PPP1R9A: variants seen among roughly 807,000 people sequenced by gnomAD.
PPP1R9A encodes the protein neurabin-1.
Under a neutral mutation model 141.9 loss-of-function variants are expected in PPP1R9A, and 59 were observed. That is an observed-to-expected ratio of 0.42 (90% CI 0.34 to 0.52). The LOEUF (loss-of-function observed/expected upper bound fraction) is 0.52. Among genes scored for constraint, PPP1R9A ranks in the 20% least tolerant of loss-of-function variants. The probability of loss-of-function intolerance (pLI) is 0.10; values close to 1 mark genes in which losing one functional copy is unlikely to be tolerated. For missense variants in PPP1R9A, 1,444 were observed against 1,611.9 expected, an observed-to-expected ratio of 0.90 and a Z score of 1.78; for synonymous variants, 500 against 569.7, an observed-to-expected ratio of 0.88 and a Z score of 1.74.
At chr7:95,001,342 GA>G (rs1802893501) in intron 2 of PPP1R9A, among the ~76,000 whole-genome samples, 1 of 152,158 alleles carries the variant, frequency 6.6e-6, no homozygotes, top group African/African-American at 2.4e-5. Flanking sequence ...GTTGTTGACA[GA>G]AAAGTTGAAG....
chr7:95,135,854 CTTTTTTTTTT>C (rs58872136), intron 4 of PPP1R9A, among the ~76,000 whole-genome samples: 64 of 73,082 alleles, frequency 8.8e-4, no homozygotes, highest in African/African-American at 1.2e-3. Flanking sequence ...TTCAGCTTTA[CTTTTTTTTTT>C]TTTTTTTTTT....
chr7:95,034,468 AG>A (rs1808161666), intron 2 of PPP1R9A, among the ~76,000 whole-genome samples: 1 of 152,112 alleles, frequency 6.6e-6, no homozygotes. Context: ...TCCCAGGTTC[AG>A]GTGATTCTCA....
At chr7:95,008,233 T>G (rs992725601) in intron 2 of PPP1R9A, among the ~76,000 whole-genome samples, 4 of 152,162 alleles carry the variant, frequency 2.6e-5, no homozygotes, top group Non-Finnish European at 5.9e-5. Flanking sequence ...GGTTGTAGTT[T>G]GATGGTACTC....
chr7:95,065,592 G>A (rs1812830298), intron 2 of PPP1R9A, among the ~76,000 whole-genome samples: 1 of 152,106 alleles, frequency 6.6e-6, no homozygotes, highest in South Asian at 2.1e-4. Flanking sequence ...TGTCTGTTGT[G>A]ACTGGAGTCA....
At chr7:95,170,728 G>A (rs1831983254) in intron 5 of PPP1R9A, among the ~76,000 whole-genome samples, 1 of 151,494 alleles carries the variant, frequency 6.6e-6, no homozygotes. Context: ...GTCAGGGGAA[G>A]TCTTTAATAA....
intron 2 of PPP1R9A, among the ~76,000 whole-genome samples, chr7:94,947,518 A>G (rs1306576387): frequency 6.6e-6 from 1 of 152,120 alleles, no homozygotes; most frequent in South Asian, 2.1e-4. Flanking sequence ...AGATTCTTCA[A>G]ACACAGAAAG....
intron 2 of PPP1R9A, among the ~76,000 whole-genome samples, chr7:94,968,210 T>C (rs1007544598): frequency 6.6e-6 from 1 of 152,004 alleles, no homozygotes; most frequent in Non-Finnish European, 1.5e-5. Flanking sequence ...TCTCGCTCTG[T>C]CGCCCAGGCT....
At chr7:95,050,357 T>G (rs1181416078) in intron 2 of PPP1R9A, among the ~76,000 whole-genome samples, 1 of 152,218 alleles carries the variant, frequency 6.6e-6, no homozygotes, top group Admixed American at 6.5e-5. Flanking sequence ...TAAATTACTT[T>G]AGATAATACT....
chr7:94,934,494 C>T (rs1172596815), intron 2 of PPP1R9A, among the ~76,000 whole-genome samples: 1 of 151,500 alleles, frequency 6.6e-6, no homozygotes, highest in African/African-American at 2.4e-5. Context: ...GTTTATAGAA[C>T]ATTTTTTTTT....
rs567471890 is a variant in PPP1R9A at position 95,190,588 on chromosome 7, C to A, written c.1755-7761C>A. 8.5e-5 allele frequency among the ~76,000 whole-genome samples: 13 copies of A among 152,104 alleles called. 1 individual carries two copies. Among genetic ancestry groups the A allele is most frequent in the Admixed American group, 5.2e-4 (8 of 15,244 alleles). On this transcript the variant is annotated intron_variant, in intron 5 of 19. Coordinates refer to ENST00000433360, the MANE Select transcript of PPP1R9A (RefSeq NM_001166160.2). The stretch of plus-strand genomic sequence containing the variant: ...TGCAGGCAGTGAAATTAGCTGTTGT[C>A]TTCTCCCTCCTTGGAACAGGATTGT...
chr7:95,259,914 AT>A (rs1800171997), intron 12 of PPP1R9A, among the ~76,000 whole-genome samples: 1 of 151,962 alleles, frequency 6.6e-6, no homozygotes, highest in Admixed American at 6.6e-5. Flanking sequence ...ATATATATAT[AT>A]TTTTTGCATA....
rs775555210 is a variant in PPP1R9A, at chr7:95,273,883, A to G, written c.3125-16A>G. On this transcript the variant is annotated splice_polypyrimidine_tract_variant and intron_variant, in intron 14 of 19. Transcript: ENST00000433360. ...ATAATAATAATTGATCTTTTTCACA[A>G]ATGTGTATATCCTAGATGATGCCAA... 9.5e-6 allele frequency: 14 copies of G among 1,479,128 alleles called. No homozygotes were observed. The East Asian group carries it at 1.6e-4, about 17-fold the overall frequency. The allele number at this position is 1,479,128 out of a possible 1,614,324, so 91.6% of individuals were successfully genotyped here. A position where few individuals can be genotyped will look rare whatever the true frequency, so the allele number is the denominator to read the frequency against.
At chr7:95,111,951 C>G (rs1254308536) in intron 3 of PPP1R9A, among the ~76,000 whole-genome samples, 1 of 151,512 alleles carries the variant, frequency 6.6e-6, no homozygotes, top group Non-Finnish European at 1.5e-5. Flanking sequence ...CCCGTGGGAT[C>G]AGAGATTACC....
chr7:95,290,578 T>G lies in PPP1R9A; in HGVS notation c.*275T>G, dbSNP rs1344554392. The G allele has an allele frequency of 2.6e-6, 1 of 378,498 alleles. No individual in the cohort carries two copies. 23.4% of individuals were successfully genotyped at this position (378,498 alleles called of 1,614,324 possible). ...TTTGCTCTTCTCTAACTTACCAACA[T>G]CTTGTGTTGTGTTGGGTGTGTTTTG... On this transcript the variant is annotated 3_prime_UTR_variant, in exon 20 of 20. Transcript: ENST00000433360.
intron 1 of PPP1R9A, among the ~76,000 whole-genome samples, chr7:94,908,927 G>A (rs1208946892): frequency 6.6e-6 from 1 of 152,182 alleles, no homozygotes; most frequent in Non-Finnish European, 1.5e-5. Flanking sequence ...TGTGCGTGAG[G>A]GTGATGTGGC....
At chr7:95,268,463 T>G (rs1801639325) in intron 12 of PPP1R9A, 87 bp from the exon 13 acceptor site, 4 of 1,468,432 alleles carry the variant, frequency 2.7e-6, no homozygotes, top group Middle Eastern at 4.6e-4. Context: ...ATGTTACTGG[T>G]TACCTTGAGA....
chr7:95,087,016 C>CAAAAAAAAAAAAAAAAAAAAAAAA (rs1563217925), intron 2 of PPP1R9A, among the ~76,000 whole-genome samples: 1 of 145,276 alleles, frequency 6.9e-6, no homozygotes, highest in African/African-American at 2.8e-5. Flanking sequence ...GACACTGTCT[C>CAAAAAAAAAAAAAAAAAAAAAAAA]AAAAAATAAG....
At chr7:95,059,165 GCTAA>G (rs777127275) in intron 2 of PPP1R9A, among the ~76,000 whole-genome samples, 4 of 152,024 alleles carry the variant, frequency 2.6e-5, no homozygotes, top group Admixed American at 6.5e-5. Context: ...CAATTGCCAT[GCTAA>G]CTATTTTTCA....
chr7:95,042,614 A>C (rs569595487), intron 2 of PPP1R9A, among the ~76,000 whole-genome samples: 1 of 152,262 alleles, frequency 6.6e-6, no homozygotes, highest in South Asian at 2.1e-4. Context: ...TATTATGCAA[A>C]ATAATATCTT....
Sources: allele counts gnomAD v4.1 joint callset (sites outside exome capture counted in the v4.1 genomes callset), GRCh38; gene constraint gnomAD v4.1.1; transcripts MANE v1.5; gene names NCBI Gene and HGNC (gene_info 2026-07-23, HGNC 2026-07-21).